The following PLCB4 variants were observed in gnomAD, a reference collection of about 807,000 sequenced individuals.
PLCB4 encodes 1-phosphatidylinositol 4,5-bisphosphate phosphodiesterase beta-4.
Under a neutral mutation model 178.8 loss-of-function variants are expected in PLCB4, and 77 were observed. That is an observed-to-expected ratio of 0.43 (90% confidence interval 0.36 to 0.52). The LOEUF is 0.52. Among genes scored for constraint, PLCB4 ranks in the 20% least tolerant of loss-of-function variants. The pLI is 0.00. For synonymous variants in PLCB4, 496 were observed against 490.8 expected (o/e 1.01, Z -0.14); for missense variants, 1,024 against 1,453.4 (o/e 0.70, Z 4.80).
intron 18 of PLCB4, 41 bp downstream of exon 18, chr20:9,393,719 C>T (rs1171456627): frequency 2.5e-6 from 3 of 1,198,928 alleles, no homozygotes; most frequent in Non-Finnish European, 3.7e-6. Context: ...GCATACATAA[C>T]ATGTGTGGAC....
chr20:9,318,515 A>G (rs765103819), intron 4 of PLCB4, among the ~76,000 whole-genome samples: 3 of 152,214 alleles, frequency 2.0e-5, no homozygotes, highest in Non-Finnish European at 4.4e-5. Flanking sequence ...GGGACATTGC[A>G]TGTCTTCTAA....
chr20:9,095,324 C>G (rs1263187644), intron 1 of PLCB4, among the ~76,000 whole-genome samples: 1 of 152,152 alleles, frequency 6.6e-6, no homozygotes, highest in Non-Finnish European at 1.5e-5. Flanking sequence ...GCGGTCATTT[C>G]AAATCTTTGG....
At chr20:9,304,926 G>T (rs1471000395) in intron 3 of PLCB4, among the ~76,000 whole-genome samples, 3 of 148,092 alleles carry the variant, frequency 2.0e-5, no homozygotes, top group African/African-American at 7.5e-5. Context: ...TAGGGTACAT[G>T]TGCACAACGA....
chr20:9,386,503 G>T (rs879505013), intron 14 of PLCB4, among the ~76,000 whole-genome samples: 9 of 148,382 alleles, frequency 6.1e-5, no homozygotes, highest in Non-Finnish European at 8.9e-5. Flanking sequence ...ATTTTTTTTT[G>T]GATATGGAAA....
intron 2 of PLCB4, among the ~76,000 whole-genome samples, chr20:9,186,604 G>A (rs960879301): frequency 4.6e-5 from 7 of 152,132 alleles, no homozygotes; most frequent in Non-Finnish European, 8.8e-5. Flanking sequence ...CTGTCTGGCC[G>A]TTTTTGTGCC....
At chr20:9,372,494 T>G in intron 11 of PLCB4, 91 bp downstream of exon 11, 1 of 625,642 alleles carries the variant, frequency 1.6e-6, no homozygotes. Context: ...TAATAGAGTA[T>G]GTTGGTAGCA....
chr20:9,476,060 G>GT (rs2044520137), intron 38 of PLCB4, among the ~76,000 whole-genome samples: 4 of 151,860 alleles, frequency 2.6e-5, no homozygotes, highest in Admixed American at 6.6e-5. Flanking sequence ...ACTCCTAATC[G>GT]GTGTCCCAAA....
chr20:9,295,286 T>G (rs1162593081), intron 3 of PLCB4, among the ~76,000 whole-genome samples: 3 of 152,166 alleles, frequency 2.0e-5, no homozygotes, highest in Non-Finnish European at 4.4e-5. Context: ...GGAGAAGTTG[T>G]TGCTTTCCTG....
intron 2 of PLCB4, among the ~76,000 whole-genome samples, chr20:9,202,109 C>A (rs866578239): frequency 2.6e-5 from 4 of 152,188 alleles, no homozygotes; most frequent in African/African-American, 9.7e-5. Context: ...AAATACATTA[C>A]GCTTCCTGAA....
chr20:9,476,154 C>T lies in PLCB4; in HGVS notation c.3496-563C>T, dbSNP rs550247613. ...GGGGCACTGGCAGAAACAAACCAGG[C>T]GTCAGTATGTTTTGGTCCTGATTCT... On this transcript the variant is annotated intron_variant, in intron 38 of 39. Coordinates refer to ENST00000378473, the MANE Select transcript of PLCB4 (RefSeq NM_001377142.1). Among the ~76,000 whole-genome samples, 4 of 152,274 alleles carry T rather than the reference C, an allele frequency of 2.6e-5. No homozygotes were observed. The South Asian group carries it at 6.2e-4, about 24-fold the overall frequency.
At chr20:9,182,272 G>A (rs974966524) in intron 2 of PLCB4, among the ~76,000 whole-genome samples, 1 of 152,124 alleles carries the variant, frequency 6.6e-6, no homozygotes, top group Non-Finnish European at 1.5e-5. Context: ...AGTGAGTAAA[G>A]GGTTGAGGGT....
intron 3 of PLCB4, among the ~76,000 whole-genome samples, chr20:9,259,740 A>G (rs1292071558): frequency 1.3e-5 from 2 of 152,140 alleles, no homozygotes; most frequent in African/African-American, 4.8e-5. Context: ...ACTGAAAGGC[A>G]GCTAGTCCAA....
intron 2 of PLCB4, among the ~76,000 whole-genome samples, chr20:9,141,666 T>G (rs918480349): frequency 6.6e-6 from 1 of 152,124 alleles, no homozygotes; most frequent in Non-Finnish European, 1.5e-5. Flanking sequence ...ACATACAAGT[T>G]GGTATATAAT....
chr20:9,335,810 G>A (rs1056617555), intron 4 of PLCB4, among the ~76,000 whole-genome samples: 1 of 152,098 alleles, frequency 6.6e-6, no homozygotes, highest in Non-Finnish European at 1.5e-5. Flanking sequence ...TCTTATTCAT[G>A]GCAATGACAG....
intron 4 of PLCB4, among the ~76,000 whole-genome samples, chr20:9,318,794 C>T (rs927248865): frequency 6.6e-6 from 1 of 152,334 alleles, no homozygotes; most frequent in Non-Finnish European, 1.5e-5. Flanking sequence ...AGCTGAGGAT[C>T]TACTTAGGTC....
chr20:9,219,482 A>G (rs1056422383), intron 3 of PLCB4, among the ~76,000 whole-genome samples: 31 of 152,210 alleles, frequency 2.0e-4, no homozygotes, highest in Middle Eastern at 3.4e-3. Context: ...AAACTTTTAC[A>G]GAGGCTTTGG....
At chr20:9,089,056 A>G (rs983738269) in intron 1 of PLCB4, among the ~76,000 whole-genome samples, 2 of 151,988 alleles carry the variant, frequency 1.3e-5, no homozygotes, top group African/African-American at 4.8e-5. Flanking sequence ...GGAACAAGAA[A>G]CAGGTAATTT....
chr20:9,152,293 C>T (rs2092704615), intron 2 of PLCB4, among the ~76,000 whole-genome samples: 1 of 152,124 alleles, frequency 6.6e-6, no homozygotes, highest in East Asian at 1.9e-4. Flanking sequence ...GAGAAAATGT[C>T]TCCAGGCCAT....
At chr20:9,072,747 A>G (rs2089633743) in intron 1 of PLCB4, among the ~76,000 whole-genome samples, 1 of 152,206 alleles carries the variant, frequency 6.6e-6, no homozygotes. Flanking sequence ...CCAAGTTTCT[A>G]GAGGAGATGA....
Sources: gnomAD v4.1 joint callset for allele counts (sites outside exome capture counted in the v4.1 genomes callset) on GRCh38, gnomAD v4.1.1 for gene constraint, MANE v1.5 for transcripts, NCBI Gene and HGNC (gene_info 2026-07-23, HGNC 2026-07-21) for gene names.